AK8: variants seen among roughly 807,000 people sequenced by gnomAD.
The protein encoded by AK8 is ATP-AMP transphosphorylase 8.
A neutral mutation model predicts 54.6 loss-of-function variants in AK8; 44 were observed. The ratio of observed to expected loss-of-function variants is 0.81; its 90% CI spans 0.63 to 1.04. AK8 has a LOEUF of 1.04. Among genes scored for constraint, AK8 ranks in the 50% least tolerant of loss-of-function variants. AK8 has a pLI of 0.00. For missense variants in AK8, 555 were observed against 613.6 expected (o/e 0.90, Z 1.01); for synonymous variants, 239 against 245.6 (o/e 0.97, Z 0.25).
At chr9:132,809,554 C>A (rs1437516304) in intron 10 of AK8, among the ~76,000 whole-genome samples, 1 of 152,188 alleles carries the variant, frequency 6.6e-6, no homozygotes, top group Non-Finnish European at 1.5e-5. Context: ...GCGTGGGGGC[C>A]CATCTCCCTG....
chr9:132,850,550 A>G (rs214632), intron 5 of AK8, among the ~76,000 whole-genome samples: 54,338 of 151,798 alleles, frequency 0.36, 11,769 homozygotes, highest in South Asian at 0.57. Context: ...GGCACCCACC[A>G]CCATGCCCAG....
intron 11 of AK8, among the ~76,000 whole-genome samples, chr9:132,749,324 C>A (rs1458926839): frequency 6.6e-6 from 1 of 151,942 alleles, no homozygotes; most frequent in Non-Finnish European, 1.5e-5. Context: ...CTCAAGGTCC[C>A]ATCCCTAGTA....
At chr9:132,794,666 T>C (rs1167682791) in intron 10 of AK8, among the ~76,000 whole-genome samples, 2 of 152,254 alleles carry the variant, frequency 1.3e-5, no homozygotes, top group Admixed American at 6.5e-5. Flanking sequence ...GAAAGATGTC[T>C]GGCACATAGT....
At chr9:132,809,681 T>C (rs1452338191) in intron 10 of AK8, among the ~76,000 whole-genome samples, 3 of 152,184 alleles carry the variant, frequency 2.0e-5, no homozygotes, top group Non-Finnish European at 4.4e-5. Flanking sequence ...CATTCTATGC[T>C]CTCAGCAAAC....
intron 8 of AK8, among the ~76,000 whole-genome samples, chr9:132,825,599 AC>A (rs1204166562): frequency 1.3e-5 from 2 of 151,974 alleles, no homozygotes; most frequent in Non-Finnish European, 2.9e-5. Context: ...CTACTAACCC[AC>A]CCGCTGGCTG....
intron 11 of AK8, among the ~76,000 whole-genome samples, chr9:132,792,074 C>T (rs1839969459): frequency 6.6e-6 from 1 of 152,216 alleles, no homozygotes; most frequent in Admixed American, 6.5e-5. Context: ...TGGCTGACCC[C>T]TTGCTATTGC....
chr9:132,804,464 G>A (rs901328418), intron 10 of AK8, among the ~76,000 whole-genome samples: 26 of 152,276 alleles, frequency 1.7e-4, no homozygotes, highest in African/African-American at 6.0e-4. Flanking sequence ...AATCAAGATC[G>A]TGGATGGGGT....
chr9:132,731,695 GAGA>G (rs1466969298), intron 11 of AK8, among the ~76,000 whole-genome samples: 4 of 152,216 alleles, frequency 2.6e-5, no homozygotes, highest in African/African-American at 9.7e-5. Flanking sequence ...AACTGCATTT[GAGA>G]AGGATAAAGT....
At chr9:132,869,518 C>T (rs1486438860) in intron 2 of AK8, among the ~76,000 whole-genome samples, 21 of 152,318 alleles carry the variant, frequency 1.4e-4, no homozygotes, top group Admixed American at 9.8e-4. Context: ...GCAGGGGAAG[C>T]GCTGGTGGTG....
chr9:132,747,551 G>A (rs917430884), intron 11 of AK8, among the ~76,000 whole-genome samples: 1 of 151,212 alleles, frequency 6.6e-6, no homozygotes, highest in Non-Finnish European at 1.5e-5. Context: ...AGGTTCAAGC[G>A]ATTCTCATGC....
chr9:132,739,423 CAG>C (rs1156925000), intron 11 of AK8, among the ~76,000 whole-genome samples: 1 of 98,598 alleles, frequency 1.0e-5, no homozygotes, highest in Admixed American at 1.7e-4. Flanking sequence ...GCCTGGGCAA[CAG>C]AGAGTGACTC....
chr9:132,758,152 G>A (rs1001936757), intron 11 of AK8, among the ~76,000 whole-genome samples: 1 of 152,186 alleles, frequency 6.6e-6, no homozygotes, highest in Non-Finnish European at 1.5e-5. Context: ...TGAGCTCTTG[G>A]GCACTTTGGT....
Position 132,781,704 on chromosome 9 carries a change from T to A in AK8, c.1121+10930A>T, listed in dbSNP as rs11793597. ...TTCTAGGCTATAATTCTGTCAAGAT[T>A]TCCTCCTGGTGTCAAAAACAGCAAC... On this transcript the variant is annotated intron_variant, in intron 11 of 12. Coordinates refer to ENST00000298545, the MANE Select transcript of AK8 (RefSeq NM_152572.3). This position sits in a 1 kb window ranked among gnomAD's most constrained non-coding sequence, Gnocchi z 4.6. Among the ~76,000 whole-genome samples the A allele has an allele frequency of 9.9e-3, 1,513 of 152,310 alleles. 11 individuals carry two copies. Among genetic ancestry groups the A allele is most frequent in the Non-Finnish European group, 0.016 (1,094 of 68,020 alleles).
chr9:132,877,240 A>C (rs1431064032), intron 1 of AK8, among the ~76,000 whole-genome samples: 1 of 152,182 alleles, frequency 6.6e-6, no homozygotes, highest in East Asian at 1.9e-4. Context: ...AGTTTTAGGA[A>C]TCTCTTGCTC....
At chr9:132,789,017 T>C (rs541955705) in intron 11 of AK8, among the ~76,000 whole-genome samples, 2 of 152,318 alleles carry the variant, frequency 1.3e-5, no homozygotes, top group African/African-American at 4.8e-5. Context: ...AAATTTGGAC[T>C]GGGTGCGGTG....
chr9:132,790,224 A>T lies in AK8; in HGVS notation c.1121+2410T>A, dbSNP rs924743547. The stretch of plus-strand genomic sequence containing the variant: ...GCTGAAAAGCTCTTGATAAACATTA[A>T]CTAGAGATTTTAAATCACGGAGCTA... On this transcript the variant is annotated intron_variant, in intron 11 of 12. Coordinates refer to ENST00000298545, the MANE Select transcript of AK8 (RefSeq NM_152572.3). The surrounding 1 kb of genome is among the most constrained non-coding windows in gnomAD (Gnocchi z 4.1). Among the ~76,000 whole-genome samples, 4 of 152,218 alleles carry T rather than the reference A, an allele frequency of 2.6e-5. No homozygotes were observed. Among genetic ancestry groups the T allele is most frequent in the Non-Finnish European group, 4.4e-5 (3 of 68,022 alleles).
chr9:132,816,876 A>G (rs1841354481), intron 9 of AK8, among the ~76,000 whole-genome samples: 1 of 152,192 alleles, frequency 6.6e-6, no homozygotes, highest in African/African-American at 2.4e-5. Flanking sequence ...TGGAGCTCTG[A>G]GACGGCCAGA....
At chr9:132,751,878 T>C (rs1837943037) in intron 11 of AK8, among the ~76,000 whole-genome samples, 1 of 151,908 alleles carries the variant, frequency 6.6e-6, no homozygotes, top group Admixed American at 6.6e-5. Flanking sequence ...TCTCGCTCTG[T>C]CGCCCAGGCT....
intron 10 of AK8, among the ~76,000 whole-genome samples, chr9:132,800,213 C>T (rs1327875403): frequency 6.6e-6 from 1 of 152,214 alleles, no homozygotes; most frequent in African/African-American, 2.4e-5. Context: ...GCAAGCCCGT[C>T]TCGCTGCCGT....
Sources: gnomAD v4.1 joint callset for allele counts (sites outside exome capture counted in the v4.1 genomes callset) on GRCh38, gnomAD v4.1.1 for gene constraint, Gnocchi (gnomAD v3.1) non-coding constraint, MANE v1.5 for transcripts, NCBI Gene and HGNC (gene_info 2026-07-23, HGNC 2026-07-21) for gene names.